The following TRPC5 variants were observed in gnomAD, a reference collection of about 807,000 sequenced individuals.
TRPC5 encodes the protein short transient receptor potential channel 5.
Under a neutral mutation model 56.5 loss-of-function variants are expected in TRPC5, and 9 were observed. The ratio of observed to expected loss-of-function variants is 0.16; its 90% CI spans 0.10 to 0.28. The LOEUF is 0.28. Ranked by LOEUF, TRPC5 falls within the 10% of genes least tolerant of loss-of-function variation. The pLI is 1.00. For missense variants in TRPC5, 469 were observed against 748.9 expected, an observed-to-expected ratio of 0.63 and a Z score of 4.36; for synonymous variants, 282 against 278.5, an observed-to-expected ratio of 1.01 and a Z score of -0.13.
In TRPC5 at chrX:111,847,344, C is replaced by T. The variant is rs1020951974; in HGVS notation, c.1470G>A (p.Ser490=). The T allele has an allele frequency of 1.7e-6, 2 of 1,211,296 alleles. No individual in the cohort carries two copies. The highest frequency in any genetic ancestry group is 2.2e-6 in the Non-Finnish European group (2 of 895,471). ...CTGTGAACAGGGATATGAGACGCAA[C>T]GAACTTAAAATGTTGGATATTGCGA... The part of the protein sequence containing the change: ...ALFAISNILS[S]LRLISLFTAN... Residue 490 remains serine, a synonymous_variant, in exon 6 of 11, where the codon TCG becomes TCA. Coordinates refer to ENST00000262839, the MANE Select transcript of TRPC5 (RefSeq NM_012471.3).
At chrX:111,943,008 G>A (rs1365585587) in intron 2 of TRPC5, among the ~76,000 whole-genome samples, 1 of 111,355 alleles carries the variant, frequency 9.0e-6, no homozygotes, top group Non-Finnish European at 1.9e-5. Flanking sequence ...AGTAGGAGTA[G>A]GAGTAGTACT....
rs976493513 is a variant in TRPC5, at chrX:111,776,236, C to T, written c.*77G>A. The T allele has an allele frequency of 9.9e-7, 1 of 1,007,956 alleles. No homozygotes were observed. The highest frequency in any genetic ancestry group is 1.3e-6 in the Non-Finnish European group (1 of 756,434). 83.1% of individuals were successfully genotyped at this position (1,007,956 alleles called of 1,213,427 possible). On this transcript the variant is annotated 3_prime_UTR_variant, in exon 11 of 11. Coordinates refer to ENST00000262839, the MANE Select transcript of TRPC5 (RefSeq NM_012471.3). Reference sequence around the variant, plus strand: ...TGGGGGGCAGGGGCAGTGAGGGAATCATATTCTGTGTCACCTCTGAGAGCA... The same window carrying T: ...TGGGGGGCAGGGGCAGTGAGGGAATTATATTCTGTGTCACCTCTGAGAGCA...
chrX:111,944,303 T>TGTGTGTGTGAAAGAGA (rs1173179815), intron 2 of TRPC5, among the ~76,000 whole-genome samples: 12 of 61,371 alleles, frequency 2.0e-4, no homozygotes, highest in African/African-American at 1.2e-3. Context: ...TGTGTGTGTG[T>TGTGTGTGTGAAAGAGA]GAGAGAGAGA....
intron 1 of TRPC5, among the ~76,000 whole-genome samples, chrX:112,034,316 G>GTT (rs796144559): frequency 2.0e-4 from 17 of 86,665 alleles, no homozygotes; most frequent in African/African-American, 6.3e-4. Flanking sequence ...ATCATTTTTT[G>GTT]TTTTTTTTTT....
chrX:112,008,241 T>C (rs1308951852), intron 1 of TRPC5, among the ~76,000 whole-genome samples: 1 of 111,831 alleles, frequency 8.9e-6, no homozygotes, highest in Non-Finnish European at 1.9e-5. Context: ...AAAAGACCAA[T>C]AGAGCCTCAT....
chrX:112,036,690 T>A (rs1929750514), intron 1 of TRPC5, among the ~76,000 whole-genome samples: 1 of 111,912 alleles, frequency 8.9e-6, no homozygotes, highest in Non-Finnish European at 1.9e-5. Context: ...CTTTTCAATG[T>A]TTCTGTGGAG....
At chrX:112,009,760 A>T (rs1483902735) in intron 1 of TRPC5, among the ~76,000 whole-genome samples, 1 of 111,206 alleles carries the variant, frequency 9.0e-6, no homozygotes, top group Non-Finnish European at 1.9e-5. Context: ...CCTTAAAAAC[A>T]CTGCATGTTC....
intron 1 of TRPC5, among the ~76,000 whole-genome samples, chrX:112,062,194 G>C (rs1027049058): frequency 1.8e-5 from 2 of 111,573 alleles, no homozygotes; most frequent in African/African-American, 6.5e-5. Flanking sequence ...TTTCTGACTG[G>C]AAATATGCTG....
chrX:112,004,471 C>A (rs754899924), intron 1 of TRPC5, among the ~76,000 whole-genome samples: 6 of 112,249 alleles, frequency 5.3e-5, no homozygotes, highest in African/African-American at 1.9e-4. Context: ...TCATTTCTTC[C>A]TGGAACCACA....
At chrX:111,789,731 C>G (rs1946002535) in intron 7 of TRPC5, among the ~76,000 whole-genome samples, 1 of 111,702 alleles carries the variant, frequency 9.0e-6, no homozygotes, top group Admixed American at 9.5e-5. Flanking sequence ...AAAAAGCAAC[C>G]CCATCAAAAA....
intron 2 of TRPC5, among the ~76,000 whole-genome samples, chrX:111,930,550 G>A (rs189837313): frequency 5.2e-4 from 58 of 110,916 alleles, no homozygotes; most frequent in African/African-American, 1.8e-3. Flanking sequence ...GCAGTGAGCC[G>A]AAATTGCACC....
intron 10 of TRPC5, 106 bp downstream of exon 10, chrX:111,778,879 T>C: frequency 3.9e-6 from 2 of 515,487 alleles, no homozygotes; most frequent in South Asian, 8.0e-5. Flanking sequence ...CTGGCTTTGC[T>C]ATATTGTAAG....
At chrX:111,907,121 A>G (rs1220759840) in intron 3 of TRPC5, among the ~76,000 whole-genome samples, 1 of 109,604 alleles carries the variant, frequency 9.1e-6, no homozygotes, top group Non-Finnish European at 1.9e-5. Flanking sequence ...TGAAAAAAAA[A>G]AAAAAAAGAA....
chrX:111,971,829 G>A lies in TRPC5; in HGVS notation c.-21-19388C>T, dbSNP rs1465468499. Reference sequence around the variant, plus strand: ...CTGGAAGTCAGGATGCTCTCTATGGGCCCTATAAAATATTGCTGTAAGTTT... The same window carrying A: ...CTGGAAGTCAGGATGCTCTCTATGGACCCTATAAAATATTGCTGTAAGTTT... On this transcript the variant is annotated intron_variant, in intron 1 of 10. Coordinates refer to ENST00000262839, the MANE Select transcript of TRPC5 (RefSeq NM_012471.3). Among the ~76,000 whole-genome samples, 4 of 111,464 alleles carry A rather than the reference G, an allele frequency of 3.6e-5. No homozygotes were observed. In the South Asian group the frequency reaches 1.1e-3, roughly 32 times the overall value.
chrX:111,816,321 G>A (rs1484062445), intron 7 of TRPC5, among the ~76,000 whole-genome samples: 12 of 111,811 alleles, frequency 1.1e-4, no homozygotes, highest in Admixed American at 6.7e-4. Flanking sequence ...CACCAACCAC[G>A]AGCATTTAGT....
intron 1 of TRPC5, among the ~76,000 whole-genome samples, chrX:112,059,629 C>T (rs1930416667): frequency 9.0e-6 from 1 of 111,565 alleles, no homozygotes; most frequent in African/African-American, 3.3e-5. Flanking sequence ...TTTCTGATAA[C>T]CCCAAATCTC....
intron 5 of TRPC5, among the ~76,000 whole-genome samples, chrX:111,848,749 G>A (rs3027711): frequency 0.043 from 4,871 of 112,010 alleles, 255 homozygotes; most frequent in African/African-American, 0.15. Context: ...CTTCTGCTTC[G>A]GATAGACTTT....
intron 2 of TRPC5, among the ~76,000 whole-genome samples, chrX:111,946,976 C>G (rs1926947531): frequency 8.9e-6 from 1 of 112,032 alleles, no homozygotes; most frequent in Admixed American, 9.4e-5. Flanking sequence ...TTAAATCACC[C>G]AGGCACTTGG....
chrX:111,973,534 C>T lies in TRPC5; in HGVS notation c.-21-21093G>A, dbSNP rs140047695. Among the ~76,000 whole-genome samples, 900 of 111,388 alleles carry T rather than the reference C, an allele frequency of 8.1e-3. 9 individuals are homozygous for T. The highest frequency in any genetic ancestry group is 0.027 in the African/African-American group (841 of 30,615). ...ATGCCCTTGGTGAGCAGGGAGCATG[C>T]ACACATATCCCTAGGTGGATGAATT... On this transcript the variant is annotated intron_variant, in intron 1 of 10. Coordinates refer to ENST00000262839, the MANE Select transcript of TRPC5 (RefSeq NM_012471.3).
Sources: gnomAD v4.1 joint callset for allele counts (sites outside exome capture counted in the v4.1 genomes callset) on GRCh38, gnomAD v4.1.1 for gene constraint, MANE v1.5 for transcripts, NCBI Gene and HGNC (gene_info 2026-07-23, HGNC 2026-07-21) for gene names.